Variants in CA10 observed in about 807,000 individuals in gnomAD.
CA10 encodes carbonic anhydrase 10 (inactive), also known as carbonic anhydrase-related protein 10.
A neutral mutation model predicts 44.2 loss-of-function variants in CA10; 14 were observed. That is an observed-to-expected ratio of 0.32 (90% confidence interval 0.21 to 0.50). CA10 has a LOEUF of 0.50. Among genes scored for constraint, CA10 ranks in the 20% least tolerant of loss-of-function variants. The pLI, the probability that CA10 is intolerant of heterozygous loss-of-function variation, is 0.99. For missense variants in CA10, 350 were observed against 409.7 expected (o/e 0.85, Z 1.26); for synonymous variants, 159 against 141.6 (o/e 1.12, Z -0.87).
chr17:52,104,234 G>C (rs1421811446), intron 1 of CA10, among the ~76,000 whole-genome samples: 1 of 147,840 alleles, frequency 6.8e-6, no homozygotes, highest in East Asian at 2.0e-4. Flanking sequence ...TTCTGGCTCT[G>C]TCACCTAGGC....
At chr17:52,080,633 T>C (rs922067011) in intron 1 of CA10, among the ~76,000 whole-genome samples, 1 of 152,112 alleles carries the variant, frequency 6.6e-6, no homozygotes, top group Non-Finnish European at 1.5e-5. Flanking sequence ...ACATTTAATA[T>C]CATTTCTCAT....
At chr17:51,765,406 A>G (rs986010907) in intron 3 of CA10, among the ~76,000 whole-genome samples, 1 of 152,182 alleles carries the variant, frequency 6.6e-6, no homozygotes, top group African/African-American at 2.4e-5. Flanking sequence ...AGCACAGTTC[A>G]TTTTGTAAGG....
chr17:51,729,887 C>G (rs1323138923), intron 4 of CA10, among the ~76,000 whole-genome samples: 1 of 152,226 alleles, frequency 6.6e-6, no homozygotes, highest in East Asian at 1.9e-4. Flanking sequence ...ATAGGAATCT[C>G]TCCTAAATGG....
chr17:52,116,412 A>G (rs2143301151), intron 1 of CA10, among the ~76,000 whole-genome samples: 1 of 152,172 alleles, frequency 6.6e-6, no homozygotes, highest in East Asian at 1.9e-4. Context: ...ACTCCATTCC[A>G]AGCTTTGGAA....
chr17:52,146,507 A>G (rs934876018), intron 1 of CA10, among the ~76,000 whole-genome samples: 58 of 151,624 alleles, frequency 3.8e-4, no homozygotes, highest in African/African-American at 1.4e-3. Flanking sequence ...TGGCTAACAC[A>G]GTGAAACCCC....
intron 1 of CA10, 109 bp downstream of exon 1, chr17:52,157,617 G>C (rs1336848148): frequency 1.0e-6 from 1 of 954,436 alleles, no homozygotes; most frequent in East Asian, 2.5e-5. Flanking sequence ...GAACTCAAAG[G>C]GTCTCGCCAC....
intron 3 of CA10, among the ~76,000 whole-genome samples, chr17:51,833,298 A>G (rs897281915): frequency 6.6e-6 from 1 of 152,164 alleles, no homozygotes; most frequent in Non-Finnish European, 1.5e-5. Context: ...AAACCAATGC[A>G]TCCTGTCCTC....
intron 3 of CA10, among the ~76,000 whole-genome samples, chr17:51,900,149 C>A (rs1306969796): frequency 6.6e-6 from 1 of 151,966 alleles, no homozygotes; most frequent in East Asian, 1.9e-4. Context: ...TTTGTGTGTT[C>A]CTGTGGTGGC....
chr17:51,845,852 T>C (rs934218880), intron 3 of CA10, among the ~76,000 whole-genome samples: 3 of 152,222 alleles, frequency 2.0e-5, no homozygotes, highest in Non-Finnish European at 4.4e-5. Flanking sequence ...ATTAGTTTTA[T>C]TACCTTAGAT....
At chr17:52,125,603 T>A (rs772825138) in intron 1 of CA10, among the ~76,000 whole-genome samples, 4 of 152,176 alleles carry the variant, frequency 2.6e-5, no homozygotes, top group Non-Finnish European at 5.9e-5. Context: ...GCTGCACTTG[T>A]CCAAATCATT....
chr17:52,120,303 C>T (rs991131632), intron 1 of CA10, among the ~76,000 whole-genome samples: 2 of 152,126 alleles, frequency 1.3e-5, no homozygotes, highest in African/African-American at 2.4e-5. Context: ...TTGATGATCA[C>T]CCCTTTTACC....
At chr17:52,079,887 A>ACT (rs1987922221) in intron 1 of CA10, among the ~76,000 whole-genome samples, 2 of 152,054 alleles carry the variant, frequency 1.3e-5, no homozygotes, top group African/African-American at 4.8e-5. Flanking sequence ...ACAGGATGAA[A>ACT]CTCATTTCTA....
At chr17:51,697,854 C>A (rs1915454197) in intron 4 of CA10, among the ~76,000 whole-genome samples, 1 of 152,224 alleles carries the variant, frequency 6.6e-6, no homozygotes, top group Non-Finnish European at 1.5e-5. Flanking sequence ...CCCCAGGATA[C>A]TTCATCCTGG....
At chr17:51,790,980 G>T (rs1906498598) in intron 3 of CA10, among the ~76,000 whole-genome samples, 1 of 152,202 alleles carries the variant, frequency 6.6e-6, no homozygotes, top group Non-Finnish European at 1.5e-5. Flanking sequence ...ACAGACTGAG[G>T]TTTAATTCCA....
At position 51,958,239 on chromosome 17, in the gene CA10, TC is replaced by T. The variant is rs1400679521; in HGVS notation, c.137-27108del. 6.1e-5 allele frequency among the ~76,000 whole-genome samples: 9 copies of T among 147,888 alleles called. No individual in the cohort carries two copies. The South Asian group carries it at 1.9e-3, about 31-fold the overall frequency. On this transcript the variant is annotated intron_variant, in intron 2 of 8. Coordinates refer to ENST00000451037, the MANE Select transcript of CA10 (RefSeq NM_020178.5). ...GCCTCAAATTCCATGTAAGTATGAT[TC>T]TACTGAAAATAACTGAGTTTTTTTT...
At chr17:51,943,324 C>T (rs1983154817) in intron 2 of CA10, among the ~76,000 whole-genome samples, 1 of 152,086 alleles carries the variant, frequency 6.6e-6, no homozygotes, top group African/African-American at 2.4e-5. Flanking sequence ...AATGCATTTC[C>T]TAAATAGATG....
At chr17:51,746,851 A>G (rs577015477) in intron 4 of CA10, among the ~76,000 whole-genome samples, 1 of 152,332 alleles carries the variant, frequency 6.6e-6, no homozygotes, top group South Asian at 2.1e-4. Flanking sequence ...ACCACATGCA[A>G]TACATATTTT....
intron 2 of CA10, among the ~76,000 whole-genome samples, chr17:51,987,322 G>T (rs1405015494): frequency 6.6e-6 from 1 of 151,958 alleles, no homozygotes; most frequent in African/African-American, 2.4e-5. Flanking sequence ...TGGGAGCTAA[G>T]CTATGAGGAT....
chr17:51,856,589 C>A (rs755016278), intron 3 of CA10, among the ~76,000 whole-genome samples: 3 of 152,212 alleles, frequency 2.0e-5, no homozygotes, highest in African/African-American at 7.2e-5. Flanking sequence ...CACAAACCAG[C>A]GTTTACTTAT....
Sources: allele counts gnomAD v4.1 joint callset (sites outside exome capture counted in the v4.1 genomes callset), GRCh38; gene constraint gnomAD v4.1.1; transcripts MANE v1.5; gene names NCBI Gene and HGNC (gene_info 2026-07-23, HGNC 2026-07-21).